RREB1: variants seen among roughly 807,000 people sequenced by gnomAD.
The protein encoded by RREB1 is ras-responsive element-binding protein 1.
A neutral mutation model predicts 117.8 loss-of-function variants in RREB1; 27 were observed. That is an observed-to-expected ratio of 0.23 (90% CI 0.17 to 0.32). RREB1 has a LOEUF of 0.32. Ranked by LOEUF, RREB1 falls within the 10% of genes least tolerant of loss-of-function variation. RREB1 has a pLI of 1.00. For synonymous variants in RREB1, 1,298 were observed against 1,026.7 expected (o/e 1.26, Z -5.05); for missense variants, 2,577 against 2,378.2 (o/e 1.08, Z -1.74).
In RREB1 at chr6:7,240,585, G is replaced by C; in HGVS notation, c.3956G>C (p.Gly1319Ala). The C allele has an allele frequency of 6.2e-7, 1 of 1,613,176 alleles. No individual in the cohort carries two copies. The highest frequency in any genetic ancestry group is 8.5e-7 in the Non-Finnish European group (1 of 1,179,562). ...LIPQSKESDV[G>A]SHDSTDSQSD... The stretch of plus-strand genomic sequence containing the variant: ...CCCCAGTCAAAAGAGAGTGATGTTG[G>C]ATCCCATGATAGCACAGGTAGTGCC... The change falls in exon 11 of 13, where the codon GGA (glycine) becomes GCA (alanine). Residue 1319 changes from glycine to alanine, a missense_variant. Gly to Ala is a moderately conservative substitution (Grantham distance 60). Coordinates refer to ENST00000379938, the MANE Select transcript of RREB1 (RefSeq NM_001003699.4).
intron 2 of RREB1, among the ~76,000 whole-genome samples, chr6:7,178,062 G>A (rs1305857647): frequency 6.6e-6 from 1 of 152,008 alleles, no homozygotes; most frequent in Non-Finnish European, 1.5e-5. Flanking sequence ...GTCTTGCTGT[G>A]TTTCCTAGGC....
At chr6:7,169,776 C>A (rs1297903480) in intron 1 of RREB1, among the ~76,000 whole-genome samples, 1 of 152,122 alleles carries the variant, frequency 6.6e-6, no homozygotes, top group African/African-American at 2.4e-5. Flanking sequence ...AAGCACAGAG[C>A]CTTGCAGAGA....
rs940496756 is a variant in RREB1, at chr6:7,249,657, A to C, written c.*689A>C. ...TCCATTTCCAGTCTGTCAGCATTAG[A>C]CATGGTCACTGTTCAAGTTTCAAGA... On this transcript the variant is annotated 3_prime_UTR_variant, in exon 13 of 13. Transcript: ENST00000379938. 6.6e-6 allele frequency: 1 copy of C among 152,182 alleles called. No individual in the cohort carries two copies. The highest frequency in any genetic ancestry group is 6.5e-5 in the Admixed American group (1 of 15,270). 9.4% of individuals were successfully genotyped at this position (152,182 alleles called of 1,614,324 possible).
intron 6 of RREB1, among the ~76,000 whole-genome samples, chr6:7,196,714 T>C (rs978748213): frequency 3.9e-5 from 6 of 152,200 alleles, no homozygotes; most frequent in Non-Finnish European, 7.3e-5. Flanking sequence ...TTATTACTTA[T>C]ATTATTTTAA....
rs886201941 is a variant in RREB1, at chr6:7,123,773, G to T, written c.-285+15713G>T. 2.6e-5 allele frequency among the ~76,000 whole-genome samples: 4 copies of T among 152,084 alleles called. No homozygotes were observed. In the South Asian group the frequency reaches 8.3e-4, roughly 32 times the overall value. On this transcript the variant is annotated intron_variant, in intron 1 of 12. Transcript: ENST00000379938. ...CTACAGGCGCCCGCCACCACGCCTG[G>T]CTAATTTTTTTGTATTTTTAATAGC...
At chr6:7,211,937 T>G in intron 8 of RREB1, 2 of 545,530 alleles carry the variant, frequency 3.7e-6, no homozygotes, top group Non-Finnish European at 6.6e-6. Flanking sequence ...CTTCTTTCTC[T>G]CAGCAAAGCC....
At position 7,208,702 on chromosome 6, in the gene RREB1, T is replaced by C. The variant is rs371386065; in HGVS notation, c.426-2102T>C. Among the ~76,000 whole-genome samples the C allele has an allele frequency of 3.9e-5, 6 of 152,200 alleles. No individual in the cohort carries two copies. In the East Asian group the frequency reaches 7.7e-4, roughly 20 times the overall value. ...CCAGACTAAGCCAGAGGCTCTGCAG[T>C]CCTTGAGCAAAACTGGAGGTGGGAA... On this transcript the variant is annotated intron_variant, in intron 6 of 12. Coordinates refer to ENST00000379938, the MANE Select transcript of RREB1 (RefSeq NM_001003699.4).
intron 1 of RREB1, among the ~76,000 whole-genome samples, chr6:7,155,787 T>A (rs1438780285): frequency 6.6e-6 from 1 of 152,258 alleles, no homozygotes; most frequent in Non-Finnish European, 1.5e-5. Flanking sequence ...TCCTTTTAAA[T>A]TTTTTAATTA....
At position 7,248,760 on chromosome 6, in the gene RREB1, A is replaced by T; in HGVS notation, c.5021A>T (p.Lys1674Met). The stretch of plus-strand genomic sequence containing the variant: ...CACATGGCTGTCACCCGGAGCCGGA[A>T]GGAGGGCTTGGCCAGTGCCACCAAG... ...SNHMAVTRSR[K>M]EGLASATKDC... Residue 1674 changes from lysine (K) to methionine (M), a missense_variant, in exon 13 of 13, where the codon AAG (lysine) becomes ATG (methionine). Transcript: ENST00000379938. 1.9e-6 allele frequency: 3 copies of T among 1,614,110 alleles called. No homozygotes were observed. In the South Asian group the frequency reaches 3.3e-5, roughly 18 times the overall value.
intron 6 of RREB1, among the ~76,000 whole-genome samples, chr6:7,208,863 CAG>C (rs1312716534): frequency 3.9e-5 from 6 of 152,178 alleles, no homozygotes; most frequent in Non-Finnish European, 5.9e-5. Context: ...TGATCCAGAA[CAG>C]AGTTAACTGA....
intron 1 of RREB1, among the ~76,000 whole-genome samples, chr6:7,158,895 G>A (rs1455078433): frequency 6.6e-6 from 1 of 151,668 alleles, no homozygotes; most frequent in Non-Finnish European, 1.5e-5. Context: ...TAGCTTAAAG[G>A]CCAGGAAAAA....
At position 7,229,230 on chromosome 6, in the gene RREB1, T is replaced by G; in HGVS notation, c.1131T>G (p.Pro377=). The part of the protein sequence containing the change: ...LGLQHTKDVR[P]APAEEPLPDD... ...TGCAGCACACCAAAGACGTCAGGCC[T>G]GCCCCCGCCGAGGAGCCCCTGCCGG... The change falls in exon 10 of 13, where the codon CCT becomes CCG. Residue 377 remains proline (P), a synonymous_variant. Coordinates refer to ENST00000379938, the MANE Select transcript of RREB1 (RefSeq NM_001003699.4). This position sits in a 1 kb window ranked among gnomAD's most constrained non-coding sequence, Gnocchi z 4.5. 6.2e-7 allele frequency: 1 copy of G among 1,613,976 alleles called. No individual in the cohort carries two copies.
intron 1 of RREB1, among the ~76,000 whole-genome samples, chr6:7,175,873 G>A (rs1764476973): frequency 1.3e-5 from 2 of 152,332 alleles, no homozygotes; most frequent in South Asian, 4.1e-4. Context: ...GCGAGAGGAT[G>A]TAATCATCTC....
At chr6:7,222,110 C>CT (rs1403535959) in intron 8 of RREB1, among the ~76,000 whole-genome samples, 1 of 152,174 alleles carries the variant, frequency 6.6e-6, no homozygotes, top group Non-Finnish European at 1.5e-5. Flanking sequence ...TTTCTTTTCT[C>CT]TGGGAGTTCT....
chr6:7,163,532 CA>C (rs1168555689), intron 1 of RREB1, among the ~76,000 whole-genome samples: 3 of 152,214 alleles, frequency 2.0e-5, no homozygotes. Flanking sequence ...GCTGGGACTA[CA>C]GGCACCCGCC....
At position 7,247,080 on chromosome 6, in the gene RREB1, A is replaced by G. The variant is rs1329219818; in HGVS notation, c.4630A>G (p.Ser1544Gly). The G allele has an allele frequency of 2.5e-6, 4 of 1,613,500 alleles. No individual in the cohort carries two copies. Among genetic ancestry groups the G allele is most frequent in the Non-Finnish European group, 3.4e-6 (4 of 1,179,920 alleles). ...GGCCGAGAAAAGGTCCTCAGAGAAG[A>G]GCGACGATGACAAGAAACCAAAGAC... ...SAAEKRSSEKSDDDKKPKTDS... is the reference protein window; with the variant it reads ...SAAEKRSSEKGDDDKKPKTDS... Residue 1544 changes from serine (S) to glycine (G), a missense_variant, in exon 12 of 13, where the codon AGC becomes GGC. Physicochemically the swap from Ser to Gly is moderately conservative, Grantham distance 56 (BLOSUM62 0). Transcript: ENST00000379938.
At chr6:7,141,964 C>T (rs1349754084) in intron 1 of RREB1, among the ~76,000 whole-genome samples, 1 of 152,216 alleles carries the variant, frequency 6.6e-6, no homozygotes, top group East Asian at 1.9e-4. Flanking sequence ...GTAATTCCAG[C>T]AATTTGGGAG....
intron 1 of RREB1, among the ~76,000 whole-genome samples, chr6:7,110,122 A>G (rs1315384259): frequency 1.3e-5 from 2 of 152,092 alleles, no homozygotes; most frequent in Admixed American, 6.5e-5. Flanking sequence ...TTTCCCCTTT[A>G]TATATGTAGT....
chr6:7,171,763 G>A (rs1764221933), intron 1 of RREB1, among the ~76,000 whole-genome samples: 1 of 152,128 alleles, frequency 6.6e-6, no homozygotes, highest in Non-Finnish European at 1.5e-5. Context: ...ATGGGTCAGT[G>A]GGAGTCATGT....
Sources: allele counts gnomAD v4.1 joint callset (sites outside exome capture counted in the v4.1 genomes callset), GRCh38; gene constraint gnomAD v4.1.1; non-coding constraint Gnocchi (gnomAD v3.1); transcripts MANE v1.5; gene names NCBI Gene and HGNC (gene_info 2026-07-23, HGNC 2026-07-21).